Variants in CACNA2D3 observed in about 807,000 individuals in gnomAD.
CACNA2D3 encodes the protein voltage-dependent calcium channel subunit alpha-2/delta-3.
A neutral mutation model predicts 160.6 loss-of-function variants in CACNA2D3; 60 were observed. The ratio of observed to expected loss-of-function variants is 0.37; its 90% CI spans 0.30 to 0.46. The LOEUF is 0.46. Among genes scored for constraint, CACNA2D3 ranks in the 20% least tolerant of loss-of-function variants. The probability of loss-of-function intolerance (pLI) is 1.00; values close to 1 mark genes in which losing one functional copy is unlikely to be tolerated. For missense variants in CACNA2D3, 1,205 were observed against 1,365.0 expected (o/e 0.88, Z 1.85); for synonymous variants, 558 against 492.9 (o/e 1.13, Z -1.75).
At chr3:54,997,028 G>A (rs1702873789) in intron 31 of CACNA2D3, among the ~76,000 whole-genome samples, 1 of 152,116 alleles carries the variant, frequency 6.6e-6, no homozygotes, top group African/African-American at 2.4e-5. Flanking sequence ...GTCAGGGGGT[G>A]GAGGACTAGG....
intron 16 of CACNA2D3, among the ~76,000 whole-genome samples, chr3:54,843,055 G>A (rs191017418): frequency 1.2e-3 from 173 of 144,498 alleles, no homozygotes; most frequent in African/African-American, 3.7e-3. Context: ...TCCACCTCCC[G>A]GGTTCAAGCG....
intron 5 of CACNA2D3, among the ~76,000 whole-genome samples, chr3:54,544,730 C>T (rs1328917045): frequency 3.9e-5 from 6 of 152,136 alleles, no homozygotes; most frequent in Non-Finnish European, 8.8e-5. Context: ...TACTTTGTAA[C>T]CCTTGACCTG....
At chr3:54,638,012 T>G (rs1354632187) in intron 10 of CACNA2D3, 2 of 152,042 alleles carry the variant, frequency 1.3e-5, no homozygotes, top group African/African-American at 4.8e-5. Context: ...GAAGTTCTTG[T>G]GTGCTGGAGA....
chr3:54,801,793 A>G (rs991485855), intron 13 of CACNA2D3, among the ~76,000 whole-genome samples: 1 of 152,092 alleles, frequency 6.6e-6, no homozygotes, highest in Admixed American at 6.5e-5. Context: ...TTTTAAACAT[A>G]CCATTGGAAG....
rs1463526111 is a variant in CACNA2D3 at position 54,217,873 on chromosome 3, A to G, written c.204+94279A>G. ...ATAGGCCTGAGAGACAGAGAGAGAC[A>G]GAGAGAGAGAGAGACAGGTGTTAGG... On this transcript the variant is annotated intron_variant, in intron 2 of 37. Coordinates refer to ENST00000474759, the MANE Select transcript of CACNA2D3 (RefSeq NM_018398.3). 2.1e-5 allele frequency among the ~76,000 whole-genome samples: 2 copies of G among 94,814 alleles called. 1 individual carries two copies. Among genetic ancestry groups the G allele is most frequent in the Middle Eastern group, 7.4e-3 (2 of 270 alleles). 62.2% of individuals were successfully genotyped at this position (94,814 alleles called of 152,430 possible).
chr3:54,390,476 T>C (rs1056124483), intron 4 of CACNA2D3, among the ~76,000 whole-genome samples: 5 of 152,314 alleles, frequency 3.3e-5, no homozygotes, highest in Non-Finnish European at 7.3e-5. Flanking sequence ...GTTCTGGACA[T>C]GTACAACAAA....
chr3:54,729,848 A>C (rs751111549), intron 11 of CACNA2D3, among the ~76,000 whole-genome samples: 10 of 151,948 alleles, frequency 6.6e-5, no homozygotes, highest in Non-Finnish European at 1.3e-4. Context: ...AAATACAAAA[A>C]ATAAGCTGGG....
intron 4 of CACNA2D3, among the ~76,000 whole-genome samples, chr3:54,449,042 C>T (rs1026457689): frequency 1.1e-4 from 16 of 152,182 alleles, no homozygotes; most frequent in African/African-American, 3.9e-4. Context: ...CAGTGAAAGA[C>T]AAGAAGTAGC....
At chr3:54,246,838 T>C (rs993235772) in intron 2 of CACNA2D3, among the ~76,000 whole-genome samples, 4 of 152,210 alleles carry the variant, frequency 2.6e-5, no homozygotes, top group African/African-American at 9.6e-5. Flanking sequence ...TGAGAAAAGC[T>C]GCTATGAACC....
At chr3:54,234,135 G>A (rs1388277025) in intron 2 of CACNA2D3, among the ~76,000 whole-genome samples, 2 of 152,220 alleles carry the variant, frequency 1.3e-5, no homozygotes, top group Admixed American at 6.5e-5. Flanking sequence ...CTAATATCCA[G>A]CATCTATAAG....
chr3:54,753,518 G>C (rs770250144), intron 12 of CACNA2D3, among the ~76,000 whole-genome samples: 4 of 152,146 alleles, frequency 2.6e-5, no homozygotes, highest in Non-Finnish European at 5.9e-5. Flanking sequence ...TGAGCACATG[G>C]AGCAGATGAC....
At chr3:54,945,156 A>AT (rs1371083702) in intron 27 of CACNA2D3, among the ~76,000 whole-genome samples, 4 of 152,060 alleles carry the variant, frequency 2.6e-5, no homozygotes, top group African/African-American at 9.7e-5. Context: ...GCAGGTACTC[A>AT]TTTTCCCAGT....
At chr3:54,577,035 C>T (rs562115130) in intron 8 of CACNA2D3, among the ~76,000 whole-genome samples, 10 of 151,836 alleles carry the variant, frequency 6.6e-5, no homozygotes, top group South Asian at 2.1e-4. Flanking sequence ...GTGGGACCCG[C>T]GTTTCAAAAA....
chr3:54,453,237 C>T (rs1034339695), intron 4 of CACNA2D3, among the ~76,000 whole-genome samples: 2 of 152,180 alleles, frequency 1.3e-5, no homozygotes, highest in African/African-American at 4.8e-5. Flanking sequence ...AAGTTATCTG[C>T]CCTCCTTAAC....
At chr3:55,072,405 T>C (rs1383509059) in intron 35 of CACNA2D3, among the ~76,000 whole-genome samples, 1 of 152,206 alleles carries the variant, frequency 6.6e-6, no homozygotes, top group East Asian at 1.9e-4. Context: ...TTCCCTTCTT[T>C]ATAACGTCCC....
At chr3:54,526,894 T>A (rs963412371) in intron 5 of CACNA2D3, among the ~76,000 whole-genome samples, 2 of 152,224 alleles carry the variant, frequency 1.3e-5, no homozygotes, top group African/African-American at 4.8e-5. Context: ...TTTCACCATG[T>A]TGGTTAGGCT....
At chr3:54,780,611 C>G (rs1386700329) in intron 13 of CACNA2D3, among the ~76,000 whole-genome samples, 2 of 152,096 alleles carry the variant, frequency 1.3e-5, no homozygotes. Context: ...TAGCATTAGC[C>G]CTCAGTTCTT....
At chr3:54,154,909 G>GA (rs1700218537) in intron 2 of CACNA2D3, among the ~76,000 whole-genome samples, 1 of 152,124 alleles carries the variant, frequency 6.6e-6, no homozygotes, top group Non-Finnish European at 1.5e-5. Context: ...GGTTTTACCT[G>GA]ATACTTATTG....
chr3:55,071,778 CAT>C (rs1437703334), intron 35 of CACNA2D3, among the ~76,000 whole-genome samples: 3 of 152,106 alleles, frequency 2.0e-5, no homozygotes, highest in African/African-American at 7.2e-5. Context: ...TCTTTTATGT[CAT>C]ATTTTCATCT....
Sources: gnomAD v4.1 joint callset for allele counts (sites outside exome capture counted in the v4.1 genomes callset) on GRCh38, gnomAD v4.1.1 for gene constraint, MANE v1.5 for transcripts, NCBI Gene and HGNC (gene_info 2026-07-23, HGNC 2026-07-21) for gene names.